Variants in CSMD1 observed in about 807,000 individuals in gnomAD.
CSMD1 encodes CUB and sushi domain-containing protein 1.
CSMD1 carries 213 observed loss-of-function variants against 417.5 expected under a neutral mutation model. The ratio of observed to expected loss-of-function variants is 0.51; its 90% CI spans 0.46 to 0.57. The LOEUF (loss-of-function observed/expected upper bound fraction) is 0.57, where lower values mean the gene tolerates loss of function less well. Among genes scored for constraint, CSMD1 ranks in the 20% least tolerant of loss-of-function variants. The pLI is 0.00. For synonymous variants in CSMD1, 2,862 were observed against 1,736.8 expected, an observed-to-expected ratio of 1.65 and a Z score of -16.11; for missense variants, 6,923 against 4,529.7, an observed-to-expected ratio of 1.53 and a Z score of -15.17.
rs1428679215 is a variant in CSMD1, at chr8:4,929,168, AGAG to A, written c.85+65161_85+65163del. On this transcript the variant is annotated intron_variant, in intron 1 of 69. Coordinates refer to ENST00000635120, the MANE Select transcript of CSMD1 (RefSeq NM_033225.6). ...ATGTGGACACACAGAGAAAGACATC[AGAG>A]AAGCTCCTGCAAAGGGAACAGAGCA... 2.0e-5 allele frequency among the ~76,000 whole-genome samples: 3 copies of A among 152,206 alleles called. No homozygotes were observed. The East Asian group carries it at 5.8e-4, about 29-fold the overall frequency.
At chr8:3,289,888 T>G (rs1453085966) in intron 25 of CSMD1, among the ~76,000 whole-genome samples, 1 of 147,682 alleles carries the variant, frequency 6.8e-6, no homozygotes, top group East Asian at 2.0e-4. Flanking sequence ...ATTTTAGACA[T>G]GAAGTCCTTA....
chr8:4,570,062 T>C (rs1798809890), intron 2 of CSMD1, among the ~76,000 whole-genome samples: 1 of 152,204 alleles, frequency 6.6e-6, no homozygotes, highest in Admixed American at 6.5e-5. Context: ...GTTTTCTAAA[T>C]ATACAATCAC....
intron 3 of CSMD1, among the ~76,000 whole-genome samples, chr8:4,131,178 A>C (rs1376509007): frequency 2.0e-5 from 3 of 152,216 alleles, no homozygotes; most frequent in Admixed American, 6.5e-5. Context: ...AGAGTAGTAC[A>C]TCAAAAGACT....
At chr8:3,677,628 G>A (rs1799444101) in intron 7 of CSMD1, among the ~76,000 whole-genome samples, 1 of 152,066 alleles carries the variant, frequency 6.6e-6, no homozygotes, top group African/African-American at 2.4e-5. Flanking sequence ...TCTCTTTTAA[G>A]CAAAACCTCC....
At chr8:4,035,046 G>A (rs35969731) in intron 3 of CSMD1, among the ~76,000 whole-genome samples, 5,221 of 152,206 alleles carry the variant, frequency 0.034, 138 homozygotes, top group Non-Finnish European at 0.054. Flanking sequence ...TATGAATAAT[G>A]CAAATGATTA....
intron 5 of CSMD1, among the ~76,000 whole-genome samples, chr8:3,826,296 G>A (rs1213665640): frequency 6.6e-6 from 1 of 151,892 alleles, no homozygotes; most frequent in Admixed American, 6.6e-5. Flanking sequence ...TAATGAAGGA[G>A]GTTGAGATTG....
At chr8:3,368,716 A>T (rs1809761818) in intron 19 of CSMD1, among the ~76,000 whole-genome samples, 1 of 152,194 alleles carries the variant, frequency 6.6e-6, no homozygotes, top group African/African-American at 2.4e-5. Context: ...AGTGTTTATA[A>T]TCTACATTTC....
At chr8:4,439,263 C>T (rs766157778) in intron 2 of CSMD1, among the ~76,000 whole-genome samples, 2 of 151,024 alleles carry the variant, frequency 1.3e-5, no homozygotes, top group Non-Finnish European at 2.9e-5. Flanking sequence ...ACAAATTAAA[C>T]AACTACTAAA....
At chr8:3,141,849 G>A (rs544682070) in intron 41 of CSMD1, among the ~76,000 whole-genome samples, 1 of 150,122 alleles carries the variant, frequency 6.7e-6, no homozygotes, top group Admixed American at 6.6e-5. Context: ...CCAGGCTGGA[G>A]TGCAGTGGCG....
intron 2 of CSMD1, among the ~76,000 whole-genome samples, chr8:4,469,754 G>A (rs552959058): frequency 2.0e-5 from 3 of 152,248 alleles, no homozygotes; most frequent in African/African-American, 7.2e-5. Context: ...GCAATGGAAG[G>A]AGCCCTTGGA....
At chr8:3,438,009 G>A (rs1478698021) in intron 12 of CSMD1, among the ~76,000 whole-genome samples, 2 of 152,084 alleles carry the variant, frequency 1.3e-5, no homozygotes, top group African/African-American at 4.8e-5. Flanking sequence ...CCAAAGTACT[G>A]ATACCTATTT....
intron 3 of CSMD1, among the ~76,000 whole-genome samples, chr8:4,147,069 C>T (rs1236216881): frequency 2.6e-5 from 4 of 151,964 alleles, no homozygotes; most frequent in African/African-American, 9.7e-5. Flanking sequence ...CCTGCCCTAA[C>T]TCCAGCTGTC....
intron 2 of CSMD1, among the ~76,000 whole-genome samples, chr8:4,571,752 G>A (rs1016553182): frequency 5.3e-5 from 8 of 152,152 alleles, no homozygotes; most frequent in African/African-American, 1.9e-4. Context: ...CTATTATTGT[G>A]TGGGAGTCTA....
chr8:4,881,443 CTATCTATCTATCTATCT>C (rs911948467), intron 1 of CSMD1, among the ~76,000 whole-genome samples: 13 of 46,900 alleles, frequency 2.8e-4, no homozygotes, highest in East Asian at 2.7e-3. Context: ...ATCTATCTAT[CTATCTATCTATCTATCT>C]ATCTTGTCTC....
chr8:4,306,402 A>G (rs1341294851), intron 3 of CSMD1, among the ~76,000 whole-genome samples: 3 of 149,994 alleles, frequency 2.0e-5, no homozygotes, highest in East Asian at 1.9e-4. Flanking sequence ...AAACCTACAG[A>G]ACAAAAAAAT....
chr8:4,964,502 CAAAAAAAAAAAAAA>C (rs10622416), intron 1 of CSMD1, among the ~76,000 whole-genome samples: 1 of 105,976 alleles, frequency 9.4e-6, no homozygotes, highest in South Asian at 3.1e-4. Flanking sequence ...ACCCTGTCTC[CAAAAAAAAAAAAAA>C]AAAAAAAAAG....
intron 32 of CSMD1, among the ~76,000 whole-genome samples, chr8:3,201,073 T>G (rs1183010816): frequency 6.6e-6 from 1 of 152,216 alleles, no homozygotes; most frequent in Non-Finnish European, 1.5e-5. Context: ...CTTCTGTATG[T>G]GATTTTAAGG....
intron 1 of CSMD1, among the ~76,000 whole-genome samples, chr8:4,707,952 G>A (rs898234374): frequency 1.4e-5 from 2 of 143,880 alleles, no homozygotes; most frequent in African/African-American, 2.6e-5. Context: ...GTTTCCGTGT[G>A]ATTATTGTTT....
intron 5 of CSMD1, among the ~76,000 whole-genome samples, chr8:3,825,899 A>C (rs1040355337): frequency 6.6e-6 from 1 of 152,230 alleles, no homozygotes; most frequent in African/African-American, 2.4e-5. Flanking sequence ...GTATCATGAC[A>C]AAATCAGACA....
Sources: gnomAD v4.1 joint callset for allele counts (sites outside exome capture counted in the v4.1 genomes callset) on GRCh38, gnomAD v4.1.1 for gene constraint, MANE v1.5 for transcripts, NCBI Gene and HGNC (gene_info 2026-07-23, HGNC 2026-07-21) for gene names.